Variants in ZNF385D observed in about 807,000 individuals in gnomAD.
The protein encoded by ZNF385D is zinc finger protein 385D.
In ZNF385D, 15 loss-of-function variants were observed where a neutral mutation model predicts 35.8. The ratio of observed to expected loss-of-function variants is 0.42; its 90% confidence interval spans 0.28 to 0.64. The LOEUF (loss-of-function observed/expected upper bound fraction) is 0.64, where lower values mean the gene tolerates loss of function less well. Ranked by LOEUF, ZNF385D falls within the 30% of genes least tolerant of loss-of-function variation. ZNF385D has a pLI of 0.23. For missense variants in ZNF385D, 474 were observed against 494.6 expected, an observed-to-expected ratio of 0.96 and a Z score of 0.39; for synonymous variants, 212 against 186.8, an observed-to-expected ratio of 1.13 and a Z score of -1.10.
At chr3:21,776,700 C>T (rs1018127595) in intron 3 of ZNF385D, among the ~76,000 whole-genome samples, 1 of 151,730 alleles carries the variant, frequency 6.6e-6, no homozygotes, top group African/African-American at 2.4e-5. Flanking sequence ...GTAGCATCAG[C>T]AATTATCATA....
Position 21,732,029 on chromosome 3 carries a change from G to GTTTTTTTTTTTT in ZNF385D, c.22+18865_22+18866insAAAAAAAAAAAA. Among the ~76,000 whole-genome samples the GTTTTTTTTTTTT allele has an allele frequency of 9.3e-3, 198 of 21,204 alleles. 76 individuals are homozygous for GTTTTTTTTTTTT. The highest frequency in any genetic ancestry group is 0.02 in the South Asian group (12 of 604). The allele number at this position is 21,204 out of a possible 152,430, so 13.9% of individuals were successfully genotyped here. A position where few individuals can be genotyped will look rare whatever the true frequency, so the allele number is the denominator to read the frequency against. On this transcript the variant is annotated intron_variant, in intron 1 of 7. Transcript: ENST00000281523. ...ATTCAGGGTTTTTTTCTTTTTTCGG[G>GTTTTTTTTTTTT]GTTTTTTTTTTTTTTTTTTTTTTTT...
intron 2 of ZNF385D, among the ~76,000 whole-genome samples, chr3:22,225,362 G>A (rs1047603064): frequency 3.3e-5 from 5 of 152,050 alleles, no homozygotes; most frequent in African/African-American, 1.2e-4. Flanking sequence ...CGTGTAACCC[G>A]CGTCCACCCT....
At chr3:21,449,024 CT>C (rs1225806931) in intron 4 of ZNF385D, among the ~76,000 whole-genome samples, 1 of 151,714 alleles carries the variant, frequency 6.6e-6, no homozygotes, top group Non-Finnish European at 1.5e-5. Flanking sequence ...TTTTCTTAGG[CT>C]TCATTTAAAA....
intron 2 of ZNF385D, among the ~76,000 whole-genome samples, chr3:21,661,601 A>G (rs911663327): frequency 6.6e-6 from 1 of 152,188 alleles, no homozygotes; most frequent in Non-Finnish European, 1.5e-5. Context: ...TGAAACTCTA[A>G]TGTCTTAAGA....
chr3:21,810,874 A>G (rs925024082), intron 3 of ZNF385D, among the ~76,000 whole-genome samples: 2 of 151,880 alleles, frequency 1.3e-5, no homozygotes, highest in African/African-American at 4.8e-5. Context: ...AGTTGTAAAG[A>G]TAAATTAAAT....
Position 21,788,170 on chromosome 3 carries a change from G to C in ZNF385D, c.326-123142C>G, listed in dbSNP as rs1006416007. Among the ~76,000 whole-genome samples the C allele has an allele frequency of 5.9e-5, 9 of 152,124 alleles. 2 individuals are homozygous for C. In the South Asian group the frequency reaches 1.0e-3, roughly 18 times the overall value. ...GGTTAAGTTAAAGGTATCTTCCATC[G>C]AGTAGAAATAGAAAGATAGTAAGAT... On this transcript the variant is annotated intron_variant, in intron 3 of 5. Transcript: ENST00000494108.
intron 1 of ZNF385D, among the ~76,000 whole-genome samples, chr3:21,677,302 C>T (rs1451417460): frequency 1.3e-5 from 2 of 152,030 alleles, no homozygotes; most frequent in African/African-American, 4.8e-5. Context: ...AATGAGAAAA[C>T]ACAGGTTTTT....
chr3:22,225,197 C>T (rs943332233), intron 2 of ZNF385D, among the ~76,000 whole-genome samples: 1 of 151,992 alleles, frequency 6.6e-6, no homozygotes, highest in African/African-American at 2.4e-5. Flanking sequence ...TAGAATATGC[C>T]CTTAGGAAAA....
chr3:22,179,948 G>A (rs899168210), intron 2 of ZNF385D, among the ~76,000 whole-genome samples: 3 of 152,142 alleles, frequency 2.0e-5, no homozygotes, highest in Non-Finnish European at 4.4e-5. Flanking sequence ...GAGCAGAACT[G>A]AAGGAAACAG....
intron 2 of ZNF385D, among the ~76,000 whole-genome samples, chr3:21,598,059 A>G (rs779165656): frequency 8.1e-4 from 123 of 152,348 alleles, no homozygotes; most frequent in African/African-American, 2.0e-3. Flanking sequence ...ACTACTTTAT[A>G]GAATACCTAT....
chr3:22,088,773 C>G (rs1487119564), intron 3 of ZNF385D, among the ~76,000 whole-genome samples: 2 of 151,936 alleles, frequency 1.3e-5, no homozygotes, highest in African/African-American at 4.8e-5. Context: ...AGAAGAAAAC[C>G]AGACAACACT....
intron 3 of ZNF385D, among the ~76,000 whole-genome samples, chr3:21,985,959 G>T (rs954599391): frequency 3.3e-5 from 4 of 121,756 alleles, no homozygotes; most frequent in Non-Finnish European, 6.5e-5. Flanking sequence ...TTGCGTAGAG[G>T]TGTTTGTAGT....
intron 3 of ZNF385D, among the ~76,000 whole-genome samples, chr3:22,102,469 C>T (rs373523160): frequency 3.3e-5 from 5 of 151,912 alleles, no homozygotes; most frequent in Admixed American, 2.0e-4. Flanking sequence ...CCCTCCTTCC[C>T]GCAGTACTGA....
chr3:22,262,486 G>C (rs931443488), intron 2 of ZNF385D, among the ~76,000 whole-genome samples: 10 of 151,894 alleles, frequency 6.6e-5, no homozygotes, highest in African/African-American at 2.4e-4. Flanking sequence ...AGAAAAAATA[G>C]ACACAAGTGC....
intron 2 of ZNF385D, among the ~76,000 whole-genome samples, chr3:22,345,348 C>T (rs1201626511): frequency 6.6e-6 from 1 of 152,106 alleles, no homozygotes; most frequent in Non-Finnish European, 1.5e-5. Flanking sequence ...AATAAATGAA[C>T]CTACATTTTC....
chr3:21,650,216 A>G (rs1310557545), intron 2 of ZNF385D, among the ~76,000 whole-genome samples: 3 of 152,312 alleles, frequency 2.0e-5, no homozygotes, highest in African/African-American at 4.8e-5. Context: ...CCATGAAACT[A>G]CAGAATTGCA....
At chr3:21,550,981 T>C (rs1311263586) in intron 3 of ZNF385D, among the ~76,000 whole-genome samples, 2 of 152,202 alleles carry the variant, frequency 1.3e-5, no homozygotes, top group African/African-American at 4.8e-5. Flanking sequence ...GTTACTTTAT[T>C]ATAGTTCAAT....
Position 21,915,017 on chromosome 3 carries a change from T to C in ZNF385D, c.326-249989A>G, listed in dbSNP as rs185213721. Among the ~76,000 whole-genome samples the C allele has an allele frequency of 2.1e-3, 319 of 150,980 alleles. 1 individual carries two copies. The highest frequency in any genetic ancestry group is 3.6e-3 in the Non-Finnish European group (247 of 67,724). On this transcript the variant is annotated intron_variant, in intron 3 of 5. Transcript: ENST00000494108. ...TGGTTAATATAAGTCACCAAAAATA[T>C]ATTCAATAGAAATCCAGAGTGTAAA... is the stretch of plus-strand genomic sequence containing the variant.
At chr3:21,632,709 C>T (rs1325655639) in intron 2 of ZNF385D, among the ~76,000 whole-genome samples, 1 of 152,092 alleles carries the variant, frequency 6.6e-6, no homozygotes, top group Non-Finnish European at 1.5e-5. Context: ...CGAACTGTTG[C>T]TTTCCCTAAT....
Sources: allele counts gnomAD v4.1 joint callset (sites outside exome capture counted in the v4.1 genomes callset), GRCh38; gene constraint gnomAD v4.1.1; transcripts MANE v1.5; gene names NCBI Gene and HGNC (gene_info 2026-07-23, HGNC 2026-07-21).